CRYBG3: variants seen among roughly 807,000 people sequenced by gnomAD.
CRYBG3 encodes the protein crystallin beta-gamma domain containing 3.
CRYBG3 carries 127 observed loss-of-function variants against 244.2 expected under a neutral mutation model. The ratio of observed to expected loss-of-function variants is 0.52; its 90% confidence interval spans 0.45 to 0.60. The LOEUF is 0.60. CRYBG3 is among the 20% of genes least tolerant of loss of function. The pLI, the probability that CRYBG3 is intolerant of heterozygous loss-of-function variation, is 0.00. For synonymous variants in CRYBG3, 1,132 were observed against 1,195.8 expected, an observed-to-expected ratio of 0.95 and a Z score of 1.10; for missense variants, 3,325 against 3,442.5, an observed-to-expected ratio of 0.97 and a Z score of 0.85.
chr3:97,891,590 A>G (rs942693433), intron 10 of CRYBG3, among the ~76,000 whole-genome samples: 5 of 152,116 alleles, frequency 3.3e-5, no homozygotes, highest in Non-Finnish European at 7.4e-5. Flanking sequence ...TATTTAGTTC[A>G]CCCTAAAGAA....
chr3:97,914,282 G>A (rs1004865522), intron 16 of CRYBG3, among the ~76,000 whole-genome samples: 1 of 152,058 alleles, frequency 6.6e-6, no homozygotes, highest in Non-Finnish European at 1.5e-5. Flanking sequence ...CACACAGCAA[G>A]GACCTGAAAT....
rs1320299720 is a variant in CRYBG3, at chr3:97,873,650, A to G, written c.2456A>G (p.Asp819Gly). The G allele has an allele frequency of 2.6e-6, 4 of 1,534,968 alleles. No homozygotes were observed. The highest frequency in any genetic ancestry group is 3.5e-6 in the Non-Finnish European group (4 of 1,146,466). ...TANIVSKAEI[D>G]GQNNVLVESH... ...AACATTGTATCAAAAGCTGAAATTG[A>G]TGGTCAGAACAATGTTCTTGTGGAG... is the stretch of plus-strand genomic sequence containing the variant. Residue 819 changes from aspartate (D) to glycine (G), a missense_variant, in exon 4 of 22, where the codon GAT (aspartate) becomes GGT (glycine). Transcript: ENST00000389622.
chr3:97,907,540 G>GTT (rs1239938303), intron 15 of CRYBG3, among the ~76,000 whole-genome samples: 1 of 149,214 alleles, frequency 6.7e-6, no homozygotes, highest in Non-Finnish European at 1.5e-5. Context: ...GCGTAGAGGT[G>GTT]TTTGTAGTAT....
intron 7 of CRYBG3, 39 bp from the exon 8 acceptor site, chr3:97,886,590 ACT>A: frequency 6.4e-7 from 1 of 1,555,690 alleles, no homozygotes; most frequent in Non-Finnish European, 8.7e-7. Context: ...GGACTGTGTG[ACT>A]CTAGTTGATT....
At position 97,873,454 on chromosome 3, in the gene CRYBG3, C is replaced by T. The variant is rs1381248822; in HGVS notation, c.2260C>T (p.His754Tyr). 2 of 1,535,352 alleles carry T rather than the reference C, an allele frequency of 1.3e-6. No individual in the cohort carries two copies. The highest frequency in any genetic ancestry group is 2.0e-5 in the Admixed American group (1 of 50,846). Residue 754 changes from histidine to tyrosine, a missense_variant, in exon 4 of 22, where the codon CAC becomes TAC. This residue lies in a region of CRYBG3 where 1,526 missense variants were observed against 1,443.2 expected (regional missense o/e 1.06). Coordinates refer to ENST00000389622, the MANE Select transcript of CRYBG3 (RefSeq NM_153605.4). ...TCCAGGTTCTGAAGCCAGTGGCCCT[C>T]ACTTAACTGGGTTGGAGCTATTGAG... ...VLPGSEASGP[H>Y]LTGLELLSFD...
intron 19 of CRYBG3, among the ~76,000 whole-genome samples, chr3:97,937,975 T>A (rs935983875): frequency 6.6e-6 from 1 of 152,044 alleles, no homozygotes; most frequent in South Asian, 2.1e-4. Context: ...CCACAGGCAG[T>A]CCCTGGTTCA....
In CRYBG3 at chr3:97,908,452, T is replaced by G. The variant is rs565608912; in HGVS notation, c.8005-3715T>G. Among the ~76,000 whole-genome samples, 27 of 152,324 alleles carry G rather than the reference T, an allele frequency of 1.8e-4. No homozygotes were observed. The South Asian group carries it at 5.4e-3, about 30-fold the overall frequency. Reference sequence around the variant, plus strand: ...GCTCCTGTATTGGGTGCATATATATTTAGGACAGTTAGCTCTTCTTGTTGA... The same window carrying G: ...GCTCCTGTATTGGGTGCATATATATGTAGGACAGTTAGCTCTTCTTGTTGA... On this transcript the variant is annotated intron_variant, in intron 15 of 21. Coordinates refer to ENST00000389622, the MANE Select transcript of CRYBG3 (RefSeq NM_153605.4).
At chr3:97,887,549 C>T (rs554996920) in intron 8 of CRYBG3, among the ~76,000 whole-genome samples, 3 of 151,996 alleles carry the variant, frequency 2.0e-5, no homozygotes, top group South Asian at 2.1e-4. Context: ...GTCAGGAGTT[C>T]GAGACCAGCC....
At chr3:97,890,145 G>A (rs1221055991) in intron 10 of CRYBG3, among the ~76,000 whole-genome samples, 1 of 152,128 alleles carries the variant, frequency 6.6e-6, no homozygotes, top group East Asian at 1.9e-4. Flanking sequence ...CCACATAGAT[G>A]TAGTCTTTTA....
intron 10 of CRYBG3, among the ~76,000 whole-genome samples, chr3:97,891,515 T>C (rs562666270): frequency 6.6e-6 from 1 of 152,282 alleles, no homozygotes; most frequent in South Asian, 2.1e-4. Context: ...AAAATAACTA[T>C]AGACGTTATT....
At chr3:97,927,822 T>A (rs1354498315) in intron 17 of CRYBG3, among the ~76,000 whole-genome samples, 1 of 152,048 alleles carries the variant, frequency 6.6e-6, no homozygotes, top group Admixed American at 6.6e-5. Context: ...ACATCCCTAA[T>A]CAGTAGAGAG....
chr3:97,889,358 G>A lies in CRYBG3; in HGVS notation c.7408G>A (p.Gly2470Arg), dbSNP rs200656484. 1.0e-4 allele frequency: 161 copies of A among 1,606,092 alleles called. No individual in the cohort carries two copies. Among genetic ancestry groups the A allele is most frequent in the Non-Finnish European group, 1.3e-4 (155 of 1,173,188 alleles). Residue 2470 changes from glycine (G) to arginine (R), a missense_variant, in exon 10 of 22, where the codon GGA becomes AGA. Physicochemically the swap from Gly to Arg is moderately radical, Grantham distance 125. Around this residue, in one of 4 missense-constraint regions of CRYBG3, gnomAD observed 714 missense variants for 803.6 expected, o/e 0.89. Transcript: ENST00000389622. ...MKSLHPLQMGGLKVEMPMNLK... is the reference protein window; with the variant it reads ...MKSLHPLQMGRLKVEMPMNLK... ...TAAACTATCTTGTCATCTTAAGGGT[G>A]GACTGAAAGTGGAAATGCCCATGAA...
In CRYBG3 at chr3:97,873,505, G is replaced by T. The variant is rs1416936372; in HGVS notation, c.2311G>T (p.Asp771Tyr). 1 of 1,535,952 alleles carries T rather than the reference G, an allele frequency of 6.5e-7. No homozygotes were observed. Among genetic ancestry groups the T allele is most frequent in the South Asian group, 1.2e-5 (1 of 84,058 alleles). Residue 771 changes from aspartate to tyrosine, a missense_variant, in exon 4 of 22, where the codon GAT becomes TAT. By Grantham distance (160) the Asp-to-Tyr change is radical. This residue lies in a region of CRYBG3 where 1,526 missense variants were observed against 1,443.2 expected (regional missense o/e 1.06). Transcript: ENST00000389622. ...CTTTGACTCTGGAAACCTCTCTAAG[G>T]ATTGCAGTTCCATTTTATCTCAAGA... ...LSFDSGNLSK[D>Y]CSSILSQDPN...
At chr3:97,900,369 T>G in intron 14 of CRYBG3, 84 bp from the exon 15 acceptor site, 1 of 872,090 alleles carries the variant, frequency 1.1e-6, no homozygotes, top group East Asian at 2.6e-5. Context: ...GAAAAAAAAA[T>G]TTTTTTCAAA....
At chr3:97,932,325 A>T (rs1223229761) in intron 17 of CRYBG3, among the ~76,000 whole-genome samples, 1 of 152,032 alleles carries the variant, frequency 6.6e-6, no homozygotes, top group African/African-American at 2.4e-5. Context: ...AGAGCTCCCC[A>T]TTCTTTTTTA....
At chr3:97,912,752 C>CT (rs1019584769) in intron 16 of CRYBG3, among the ~76,000 whole-genome samples, 6 of 151,268 alleles carry the variant, frequency 4.0e-5, no homozygotes, top group East Asian at 1.9e-4. Context: ...TTCCTTTGGT[C>CT]TTTTTTTTTC....
chr3:97,930,803 A>T (rs1202762446), intron 17 of CRYBG3, among the ~76,000 whole-genome samples: 4 of 152,078 alleles, frequency 2.6e-5, no homozygotes, highest in African/African-American at 7.2e-5. Context: ...AGATGCTTTA[A>T]ACTTTCCTTG....
At chr3:97,887,456 C>T (rs1309326000) in intron 8 of CRYBG3, among the ~76,000 whole-genome samples, 1 of 152,142 alleles carries the variant, frequency 6.6e-6, no homozygotes, top group African/African-American at 2.4e-5. Flanking sequence ...TGAATTAGAA[C>T]TTGTGGGCAG....
intron 1 of CRYBG3, among the ~76,000 whole-genome samples, chr3:97,826,008 G>C (rs1409087095): frequency 6.6e-6 from 1 of 152,250 alleles, no homozygotes. Flanking sequence ...TTGGATAGGA[G>C]ATACCTGTGT....
Sources: gnomAD v4.1 joint callset for allele counts (sites outside exome capture counted in the v4.1 genomes callset) on GRCh38, gnomAD v4.1.1 for gene constraint, gnomAD v4.1.1 regional missense constraint, MANE v1.5 for transcripts, NCBI Gene and HGNC (gene_info 2026-07-23, HGNC 2026-07-21) for gene names.